The following ANKRD44 variants were observed in gnomAD, a reference collection of about 807,000 sequenced individuals.
The protein encoded by ANKRD44 is serine/threonine-protein phosphatase 6 regulatory ankyrin repeat subunit B.
Under a neutral mutation model 116.0 loss-of-function variants are expected in ANKRD44, and 35 were observed. The ratio of observed to expected loss-of-function variants is 0.30; its 90% CI spans 0.23 to 0.40. The LOEUF is 0.40. ANKRD44 is among the 10% of genes least tolerant of loss of function. The pLI, the probability that ANKRD44 is intolerant of heterozygous loss-of-function variation, is 1.00. For missense variants in ANKRD44, 1,014 were observed against 1,242.6 expected (o/e 0.82, Z 2.77); for synonymous variants, 435 against 461.8 (o/e 0.94, Z 0.74).
chr2:197,208,517 A>G (rs2712903), intron 1 of ANKRD44, among the ~76,000 whole-genome samples: 145,494 of 152,274 alleles, frequency 0.96, 69,548 homozygotes, highest in East Asian at 1. Flanking sequence ...TCTTGGCCAG[A>G]AGCAGTGTGG....
chr2:197,108,889 A>G (rs548009777), intron 9 of ANKRD44, among the ~76,000 whole-genome samples: 1 of 152,064 alleles, frequency 6.6e-6, no homozygotes, highest in Non-Finnish European at 1.5e-5. Context: ...CAAATAAACA[A>G]AAAAAGTCTA....
At chr2:197,093,555 A>G (rs2078094950) in intron 10 of ANKRD44, among the ~76,000 whole-genome samples, 1 of 152,232 alleles carries the variant, frequency 6.6e-6, no homozygotes, top group African/African-American at 2.4e-5. Flanking sequence ...ATTTGAAAAC[A>G]GATTCGCATA....
chr2:197,064,211 A>C (rs1423895073), intron 16 of ANKRD44, among the ~76,000 whole-genome samples: 2 of 152,212 alleles, frequency 1.3e-5, no homozygotes, highest in Admixed American at 1.3e-4. Context: ...AAGCTTCATA[A>C]GTGAAGGAGA....
At chr2:197,190,788 C>A (rs771039491) in intron 1 of ANKRD44, among the ~76,000 whole-genome samples, 20 of 152,314 alleles carry the variant, frequency 1.3e-4, no homozygotes, top group South Asian at 2.1e-4. Context: ...ATAACTTTTG[C>A]AGCTTTTGTC....
At chr2:197,033,614 A>G (rs1278052999) in intron 16 of ANKRD44, among the ~76,000 whole-genome samples, 2 of 151,930 alleles carry the variant, frequency 1.3e-5, no homozygotes, top group Non-Finnish European at 2.9e-5. Flanking sequence ...GATATTTCAC[A>G]AACAGCACAG....
chr2:197,185,219 G>C (rs901380236), intron 2 of ANKRD44, among the ~76,000 whole-genome samples: 1 of 152,198 alleles, frequency 6.6e-6, no homozygotes. Flanking sequence ...TTCTGGAGTA[G>C]CCTGTCCCTG....
At chr2:197,128,843 G>C (rs983815229) in intron 4 of ANKRD44, among the ~76,000 whole-genome samples, 8 of 152,204 alleles carry the variant, frequency 5.3e-5, no homozygotes, top group Admixed American at 2.0e-4. Flanking sequence ...CTGTGGTAAA[G>C]AACCAGTTTT....
At chr2:197,273,973 AAAAAAAAATATATATATATATAT>A (rs2082978522) in intron 1 of ANKRD44, among the ~76,000 whole-genome samples, 1 of 62,432 alleles carries the variant, frequency 1.6e-5, no homozygotes, top group Non-Finnish European at 3.1e-5. Flanking sequence ...AAAAAAAAAA[AAAAAAAAATATATATATATATAT>A]ATATATATAT....
intron 4 of ANKRD44, among the ~76,000 whole-genome samples, chr2:197,127,798 AT>A (rs2079009828): frequency 6.6e-6 from 1 of 152,108 alleles, no homozygotes; most frequent in African/African-American, 2.4e-5. Context: ...TCTGTTAGCT[AT>A]TCTTCCTGGT....
At position 197,134,736 on chromosome 2, in the gene ANKRD44, G is replaced by A. The variant is rs116429830; in HGVS notation, c.261+1856C>T. 669 of 152,170 alleles carry A rather than the reference G, an allele frequency of 4.4e-3. 4 individuals carry two copies. Among genetic ancestry groups the A allele is most frequent in the African/African-American group, 0.015 (636 of 41,516 alleles). 9.4% of individuals were successfully genotyped at this position (152,170 alleles called of 1,614,324 possible). A position where few individuals can be genotyped will look rare whatever the true frequency, so the allele number is the denominator to read the frequency against. ...CATGAGCTACAAAGAAAAGGTGCCT[G>A]GCATATGGGAGGTACATATTGAATT... On this transcript the variant is annotated intron_variant, in intron 4 of 27. Coordinates refer to ENST00000282272, the MANE Select transcript of ANKRD44 (RefSeq NM_001195144.2).
chr2:197,073,961 CA>C (rs1371590968), intron 16 of ANKRD44, among the ~76,000 whole-genome samples: 1 of 152,060 alleles, frequency 6.6e-6, no homozygotes, highest in African/African-American at 2.4e-5. Flanking sequence ...GTAAAGCCCC[CA>C]AAATTTTTTC....
chr2:197,163,322 A>T lies in ANKRD44; in HGVS notation c.112-16217T>A, dbSNP rs114625301. On this transcript the variant is annotated intron_variant, in intron 2 of 27. Coordinates refer to ENST00000282272, the MANE Select transcript of ANKRD44 (RefSeq NM_001195144.2). ...CTCCTATGAGGGCTGCCTGCTGTGC[A>T]GTTCTGGTTTCTGTGAGACCTCAAC... 2.4e-3 allele frequency among the ~76,000 whole-genome samples: 372 copies of T among 152,348 alleles called. 1 individual carries two copies. The highest frequency in any genetic ancestry group is 8.6e-3 in the African/African-American group (359 of 41,594).
At chr2:197,118,647 G>GAAAGAAAGAAAGAAAGAAAA (rs2078776201) in intron 8 of ANKRD44, among the ~76,000 whole-genome samples, 1 of 149,114 alleles carries the variant, frequency 6.7e-6, no homozygotes. Context: ...GAGAAAGAAA[G>GAAAGAAAGAAAGAAAGAAAA]AAAGAAAGAA....
chr2:197,050,654 C>A (rs1391490335), intron 16 of ANKRD44, among the ~76,000 whole-genome samples: 1 of 152,036 alleles, frequency 6.6e-6, no homozygotes, highest in Non-Finnish European at 1.5e-5. Flanking sequence ...AACTCCTGAC[C>A]TCAAGTGATC....
At chr2:196,993,820 GA>G in intron 26 of ANKRD44, 146 bp from the exon 27 acceptor site, 3 of 641,538 alleles carry the variant, frequency 4.7e-6, no homozygotes, top group Non-Finnish European at 8.0e-6. Flanking sequence ...AAAAAATGCT[GA>G]CCAGATCTTT....
At chr2:197,055,896 C>CT (rs942349086) in intron 16 of ANKRD44, among the ~76,000 whole-genome samples, 1 of 151,968 alleles carries the variant, frequency 6.6e-6, no homozygotes, top group Non-Finnish European at 1.5e-5. Context: ...ATTACTATAG[C>CT]TTTTTTGTTG....
At chr2:197,123,357 C>T (rs766027878) in intron 6 of ANKRD44, among the ~76,000 whole-genome samples, 3 of 152,182 alleles carry the variant, frequency 2.0e-5, no homozygotes, top group Non-Finnish European at 4.4e-5. Context: ...AAACAGAAAA[C>T]CCTTCTAGTT....
intron 1 of ANKRD44, among the ~76,000 whole-genome samples, chr2:197,213,239 G>T (rs1559154887): frequency 6.6e-6 from 1 of 152,230 alleles, no homozygotes; most frequent in Non-Finnish European, 1.5e-5. Context: ...GAAGGAAGGA[G>T]AAGTTCTCAA....
intron 16 of ANKRD44, among the ~76,000 whole-genome samples, chr2:197,041,133 C>T (rs1489703694): frequency 1.3e-5 from 2 of 152,156 alleles, no homozygotes; most frequent in African/African-American, 2.4e-5. Context: ...TAAGAAGGTG[C>T]CTTTCCCTTC....
Sources: gnomAD v4.1 joint callset for allele counts (sites outside exome capture counted in the v4.1 genomes callset) on GRCh38, gnomAD v4.1.1 for gene constraint, MANE v1.5 for transcripts, NCBI Gene and HGNC (gene_info 2026-07-23, HGNC 2026-07-21) for gene names.